The following SHROOM4 variants were observed in gnomAD, a reference collection of about 807,000 sequenced individuals.
The protein encoded by SHROOM4 is shroom family member 4.
SHROOM4 carries 17 observed loss-of-function variants against 80.3 expected under a neutral mutation model. The ratio of observed to expected loss-of-function variants is 0.21; its 90% CI spans 0.14 to 0.32. The LOEUF is 0.32. Ranked by LOEUF, SHROOM4 falls within the 10% of genes least tolerant of loss-of-function variation. The pLI is 1.00. For missense variants in SHROOM4, 993 were observed against 1,140.3 expected (o/e 0.87, Z 1.86); for synonymous variants, 400 against 437.5 (o/e 0.91, Z 1.07).
At chrX:50,645,169 T>A (rs2147326403) in intron 2 of SHROOM4, among the ~76,000 whole-genome samples, 1 of 111,669 alleles carries the variant, frequency 9.0e-6, no homozygotes, top group East Asian at 2.8e-4. Flanking sequence ...GAGGCCCAGG[T>A]TCTGACTTTT....
At chrX:50,683,689 G>A (rs969430746) in intron 2 of SHROOM4, among the ~76,000 whole-genome samples, 1 of 111,702 alleles carries the variant, frequency 9.0e-6, no homozygotes, top group South Asian at 3.7e-4. Flanking sequence ...TCAGGGTTTG[G>A]AGGTAGAAGT....
intron 2 of SHROOM4, among the ~76,000 whole-genome samples, chrX:50,680,525 C>T (rs1407029827): frequency 9.0e-6 from 1 of 111,131 alleles, no homozygotes; most frequent in Non-Finnish European, 1.9e-5. Flanking sequence ...AATTAATATG[C>T]ATGTATGTAT....
At chrX:50,761,596 TCTGTCAC>T (rs1259146872) in intron 1 of SHROOM4, among the ~76,000 whole-genome samples, 1 of 111,552 alleles carries the variant, frequency 9.0e-6, no homozygotes, top group Non-Finnish European at 1.9e-5. Context: ...GGAGTCTCGC[TCTGTCAC>T]CCAAGCTGGA....
chrX:50,747,584 C>G (rs1216728523), intron 1 of SHROOM4, among the ~76,000 whole-genome samples: 1 of 112,025 alleles, frequency 8.9e-6, no homozygotes, highest in Non-Finnish European at 1.9e-5. Flanking sequence ...CAGAAATTGG[C>G]GAAGATGCTT....
rs1569546173 is a variant in SHROOM4, at chrX:50,589,649, A to G, written c.*7046T>C. Reference sequence around the variant, plus strand: ...CTAAATAATACCCTACTGTATGCATATATCAAAGTTTGTTTATCCATTCCT... The same window carrying G: ...CTAAATAATACCCTACTGTATGCATGTATCAAAGTTTGTTTATCCATTCCT... On this transcript the variant is annotated 3_prime_UTR_variant, in exon 9 of 9. Coordinates refer to ENST00000376020, the MANE Select transcript of SHROOM4 (RefSeq NM_020717.5). Among the ~76,000 whole-genome samples the G allele has an allele frequency of 8.9e-6, 1 of 112,252 alleles. No individual in the cohort carries two copies. The highest frequency in any genetic ancestry group is 3.2e-5 in the African/African-American group (1 of 30,900).
chrX:50,598,188 C>A, intron 8 of SHROOM4, 78 bp downstream of exon 8: 1 of 1,169,367 alleles, frequency 8.6e-7, no homozygotes, highest in Admixed American at 2.2e-5. Context: ...CCTATAGTAG[C>A]CCAACTTGAA....
At chrX:50,729,864 AT>A (rs1934328955) in intron 1 of SHROOM4, among the ~76,000 whole-genome samples, 2 of 111,735 alleles carry the variant, frequency 1.8e-5, no homozygotes, top group Admixed American at 1.9e-4. Context: ...TGAAAAAAAA[AT>A]ACATCAACCA....
intron 1 of SHROOM4, among the ~76,000 whole-genome samples, chrX:50,738,903 A>T (rs1475488005): frequency 8.9e-6 from 1 of 111,756 alleles, no homozygotes; most frequent in Non-Finnish European, 1.9e-5. Flanking sequence ...ACAAAGCTGG[A>T]GGCATCACGC....
rs186710429 is a variant in SHROOM4, at chrX:50,784,053, G to A, written c.117+29849C>T. The stretch of plus-strand genomic sequence containing the variant: ...TGGGTTAATGTTACACAACGGCGTC[G>A]CCAAAAATAGATCCATATGTAAAAG... On this transcript the variant is annotated intron_variant, in intron 1 of 8. Transcript: ENST00000376020. 6.4e-4 allele frequency among the ~76,000 whole-genome samples: 72 copies of A among 112,235 alleles called. 1 individual carries two copies. Among genetic ancestry groups the A allele is most frequent in the Admixed American group, 4.7e-3 (50 of 10,655 alleles).
At chrX:50,708,912 G>A (rs1204814948) in intron 1 of SHROOM4, among the ~76,000 whole-genome samples, 2 of 111,874 alleles carry the variant, frequency 1.8e-5, no homozygotes, top group Non-Finnish European at 3.8e-5. Flanking sequence ...GAGAAGGACT[G>A]ATATAAGCAA....
At chrX:50,715,140 C>G (rs1933918122) in intron 1 of SHROOM4, among the ~76,000 whole-genome samples, 2 of 110,848 alleles carry the variant, frequency 1.8e-5, no homozygotes, top group Middle Eastern at 4.6e-3. Context: ...TTTTCATATC[C>G]CTCTTATTGC....
rs1404107258 is a variant in SHROOM4, at chrX:50,607,795, C to A, written c.3347G>T (p.Arg1116Leu). 8.8e-7 allele frequency: 1 copy of A among 1,133,923 alleles called. No individual in the cohort carries two copies. Among genetic ancestry groups the A allele is most frequent in the African/African-American group, 2.0e-5 (1 of 49,257 alleles). The allele number at this position is 1,133,923 out of a possible 1,213,427, so 93.4% of individuals were successfully genotyped here. The change falls in exon 6 of 9, where the codon CGT becomes CTT. Residue 1116 changes from arginine (R) to leucine (L), a missense_variant. Transcript: ENST00000376020. ...TTGCTGCTTCTGCTGCTGGGCTGCA[C>A]GAAAGAGCCTGTACTTCTCCCAGTT... is the stretch of plus-strand genomic sequence containing the variant. ...PPNWEKYRLF[R>L]AAQQQKQQQQ...
Position 50,598,085 on chromosome X carries a change from C to T in SHROOM4, c.4212+181G>A, listed in dbSNP as rs781985524. ...AACTCCTGGACTGAAGCAATCTGCC[C>T]GCTTTGGCCTCCCAAAGTACTGGGA... On this transcript the variant is annotated intron_variant, in intron 8 of 8. Coordinates refer to ENST00000376020, the MANE Select transcript of SHROOM4 (RefSeq NM_020717.5). Among the ~76,000 whole-genome samples, 3 of 111,467 alleles carry T rather than the reference C, an allele frequency of 2.7e-5. No homozygotes were observed. In the South Asian group the frequency reaches 1.2e-3, roughly 43 times the overall value.
intron 3 of SHROOM4, among the ~76,000 whole-genome samples, chrX:50,637,049 G>A (rs144299144): frequency 4.9e-4 from 54 of 111,234 alleles, no homozygotes; most frequent in African/African-American, 1.7e-3. Context: ...AGGGGCCTCT[G>A]CCCACCCACG....
chrX:50,730,567 G>C (rs1275093499), intron 1 of SHROOM4, among the ~76,000 whole-genome samples: 2 of 111,542 alleles, frequency 1.8e-5, no homozygotes, highest in Non-Finnish European at 3.8e-5. Context: ...CCTGAGGTCA[G>C]GAGTTCAAGA....
chrX:50,796,197 G>A lies in SHROOM4; in HGVS notation c.117+17705C>T, dbSNP rs542750288. Among the ~76,000 whole-genome samples, 7 of 111,995 alleles carry A rather than the reference G, an allele frequency of 6.3e-5. No homozygotes were observed. In the South Asian group the frequency reaches 2.6e-3, roughly 42 times the overall value. On this transcript the variant is annotated intron_variant, in intron 1 of 8. Coordinates refer to ENST00000376020, the MANE Select transcript of SHROOM4 (RefSeq NM_020717.5). ...TTATGAGATAATGTTCTCCATCAAT[G>A]GAAGCATTCAAAAGAACAGTCTGAC...
chrX:50,757,097 C>T (rs1935054314), intron 1 of SHROOM4, among the ~76,000 whole-genome samples: 1 of 111,848 alleles, frequency 8.9e-6, no homozygotes, highest in East Asian at 2.8e-4. Context: ...CCTATGTTTT[C>T]TTCTAAGAGT....
At chrX:50,795,107 T>TATATGATATATATATC (rs1557271963) in intron 1 of SHROOM4, among the ~76,000 whole-genome samples, 7 of 44,387 alleles carry the variant, frequency 1.6e-4, no homozygotes, top group African/African-American at 7.7e-4. Context: ...ATATGATATA[T>TATATGATATATATATC]ATATATGATA....
intron 2 of SHROOM4, among the ~76,000 whole-genome samples, chrX:50,678,365 C>T (rs782705090): frequency 4.6e-4 from 51 of 111,362 alleles, no homozygotes; most frequent in Non-Finnish European, 7.6e-4. Flanking sequence ...ATAACAAATT[C>T]TCTCCCCTCT....
Sources: allele counts gnomAD v4.1 joint callset (sites outside exome capture counted in the v4.1 genomes callset), GRCh38; gene constraint gnomAD v4.1.1; transcripts MANE v1.5; gene names NCBI Gene and HGNC (gene_info 2026-07-23, HGNC 2026-07-21).